HDAC9: variants seen among roughly 807,000 people sequenced by gnomAD.
The protein encoded by HDAC9 is histone deacetylase 9, also known as MEF-2 interacting transcription repressor (MITR) protein.
In HDAC9, 41 loss-of-function variants were observed where a neutral mutation model predicts 139.4. The ratio of observed to expected loss-of-function variants is 0.29; its 90% CI spans 0.23 to 0.38. The LOEUF (loss-of-function observed/expected upper bound fraction) is 0.38, where lower values mean the gene tolerates loss of function less well. HDAC9 is among the 10% of genes least tolerant of loss of function. The probability of loss-of-function intolerance (pLI) is 1.00; values close to 1 mark genes in which losing one functional copy is unlikely to be tolerated. For missense variants in HDAC9, 1,147 were observed against 1,297.0 expected, an observed-to-expected ratio of 0.88 and a Z score of 1.78; for synonymous variants, 517 against 476.2, an observed-to-expected ratio of 1.09 and a Z score of -1.12.
At position 18,749,108 on chromosome 7, in the gene HDAC9, G is replaced by T; in HGVS notation, c.2013G>T (p.Leu671=). The T allele has an allele frequency of 6.2e-7, 1 of 1,613,706 alleles. No individual in the cohort carries two copies. Among genetic ancestry groups the T allele is most frequent in the East Asian group, 2.2e-5 (1 of 44,886 alleles). ...GAATACAGAGTATCTGGTCACGACTGCAAGAAACTGGGCTGCTAAATAAAT... is the reference window on the plus strand; with the variant it reads ...GAATACAGAGTATCTGGTCACGACTTCAAGAAACTGGGCTGCTAAATAAAT... ...AGRIQSIWSR[L]QETGLLNKCE... Residue 671 remains leucine (L), a synonymous_variant, in exon 14 of 26, where the codon CTG becomes CTT. Transcript: ENST00000686413.
rs145336656 is a variant in HDAC9, at chr7:18,213,373, G to A, written c.25+51024G>A. Among the ~76,000 whole-genome samples the A allele has an allele frequency of 3.0e-4, 45 of 152,194 alleles. 1 individual carries two copies. The East Asian group carries it at 7.9e-3, about 27-fold the overall frequency. On this transcript the variant is annotated intron_variant, in intron 2 of 12. Transcript: ENST00000417496. ...TTGAAATTATGTTGCTTTACGTGTAGAAAGATGGTTTAGCTAATTTTTAAC... is the reference window on the plus strand; with the variant it reads ...TTGAAATTATGTTGCTTTACGTGTAAAAAGATGGTTTAGCTAATTTTTAAC...
chr7:18,547,373 C>G (rs896856842), intron 2 of HDAC9, among the ~76,000 whole-genome samples: 3 of 152,136 alleles, frequency 2.0e-5, no homozygotes, highest in African/African-American at 7.2e-5. Context: ...GTAGCTGGGA[C>G]TACAGGCACC....
At chr7:18,452,090 AG>A (rs754836276) in intron 1 of HDAC9, among the ~76,000 whole-genome samples, 3 of 152,150 alleles carry the variant, frequency 2.0e-5, no homozygotes, top group African/African-American at 4.8e-5. Flanking sequence ...TTCAGTTAGC[AG>A]CCTTGAGATG....
intron 1 of HDAC9, among the ~76,000 whole-genome samples, chr7:18,465,507 T>C (rs1794196117): frequency 6.6e-6 from 1 of 152,176 alleles, no homozygotes; most frequent in Non-Finnish European, 1.5e-5. Context: ...CTTTCATTTA[T>C]AATTTTTTAA....
rs867407639 is a variant in HDAC9 at position 18,963,517 on chromosome 7, G to T, written c.3022+9287G>T. ...GGCACTAGGGAGAGTTGGCAGAAAT[G>T]AGATATATTAGAATAATAAGACTTA... is the stretch of plus-strand genomic sequence containing the variant. On this transcript the variant is annotated intron_variant, in intron 24 of 25. Transcript: ENST00000686413. Among the ~76,000 whole-genome samples, 16 of 152,274 alleles carry T rather than the reference G, an allele frequency of 1.1e-4. No homozygotes were observed. In the South Asian group the frequency reaches 3.3e-3, roughly 32 times the overall value.
intron 2 of HDAC9, among the ~76,000 whole-genome samples, chr7:18,572,344 G>A (rs1373683917): frequency 6.8e-6 from 1 of 146,102 alleles, no homozygotes; most frequent in Admixed American, 6.8e-5. Context: ...ATGACTATTT[G>A]TCATATTCAA....
intron 2 of HDAC9, among the ~76,000 whole-genome samples, chr7:18,211,444 C>T (rs138594807): frequency 9.2e-5 from 14 of 152,244 alleles, no homozygotes; most frequent in African/African-American, 3.4e-4. Context: ...ACCTTTTGTC[C>T]TTGCATGTGA....
In HDAC9 at chr7:18,997,340, A is replaced by C. The variant is rs1786527581; in HGVS notation, c.*1278A>C. On this transcript the variant is annotated 3_prime_UTR_variant, in exon 26 of 26. Coordinates refer to ENST00000686413, the MANE Select transcript of HDAC9 (RefSeq NM_178425.4). ...AAAAACAAAAAACAGCCTTTAAACAAGTTTCCTTAGTGTCAAAAGTTAAAA... is the reference window on the plus strand; with the variant it reads ...AAAAACAAAAAACAGCCTTTAAACACGTTTCCTTAGTGTCAAAAGTTAAAA... 1 of 151,896 alleles carries C rather than the reference A, an allele frequency of 6.6e-6. No individual in the cohort carries two copies. The highest frequency in any genetic ancestry group is 1.5e-5 in the Non-Finnish European group (1 of 67,960). The allele number at this position is 151,896 out of a possible 1,614,324, so 9.4% of individuals were successfully genotyped here.
At chr7:18,648,798 T>A in intron 11 of HDAC9, 115 bp downstream of exon 11, 1 of 858,478 alleles carries the variant, frequency 1.2e-6, no homozygotes, top group Non-Finnish European at 1.9e-6. Context: ...AAAAAGGATG[T>A]GATCATCCTA....
At chr7:18,930,447 T>TAACACACACATACACACA (rs1196375856) in intron 22 of HDAC9, among the ~76,000 whole-genome samples, 1 of 151,782 alleles carries the variant, frequency 6.6e-6, no homozygotes, top group Non-Finnish European at 1.5e-5. Context: ...TGCTCTAATC[T>TAACACACACATACACACA]AACACACACA....
intron 1 of HDAC9, among the ~76,000 whole-genome samples, chr7:18,426,284 A>C (rs912570682): frequency 6.6e-6 from 1 of 152,192 alleles, no homozygotes; most frequent in Non-Finnish European, 1.5e-5. Context: ...GTCATTTGTC[A>C]TTCTTTTCCA....
At chr7:18,775,238 T>A (rs1172499726) in intron 16 of HDAC9, among the ~76,000 whole-genome samples, 1 of 152,028 alleles carries the variant, frequency 6.6e-6, no homozygotes, top group Admixed American at 6.6e-5. Flanking sequence ...GAAAAACTTT[T>A]GAAATATTGC....
chr7:18,866,594 C>T (rs1045920036), intron 21 of HDAC9, among the ~76,000 whole-genome samples: 2 of 152,148 alleles, frequency 1.3e-5, no homozygotes, highest in Non-Finnish European at 2.9e-5. Flanking sequence ...TTTTTGAATC[C>T]CAGCACCATC....
At chr7:18,186,999 A>G (rs1789967878) in intron 2 of HDAC9, among the ~76,000 whole-genome samples, 1 of 152,220 alleles carries the variant, frequency 6.6e-6, no homozygotes, top group South Asian at 2.1e-4. Flanking sequence ...ACCCCTAGGC[A>G]TTTAAGCAAC....
At chr7:18,303,499 G>C (rs184336414) in intron 1 of HDAC9, among the ~76,000 whole-genome samples, 30 of 151,714 alleles carry the variant, frequency 2.0e-4, no homozygotes, top group Admixed American at 5.3e-4. Context: ...TGCCCACCTC[G>C]GGCTCCCAAA....
chr7:18,922,178 T>G (rs959606783), intron 22 of HDAC9, among the ~76,000 whole-genome samples: 11 of 151,900 alleles, frequency 7.2e-5, no homozygotes, highest in East Asian at 5.8e-4. Context: ...TGTATATATA[T>G]GTAACAAACC....
chr7:18,712,628 C>G (rs1231032106), intron 12 of HDAC9, among the ~76,000 whole-genome samples: 1 of 152,096 alleles, frequency 6.6e-6, no homozygotes, highest in African/African-American at 2.4e-5. Flanking sequence ...AGAGGATAAA[C>G]AATGCCAGTA....
In HDAC9 at chr7:18,374,608, TA is replaced by T. The variant is rs1327853551; in HGVS notation, c.-42+84094del. Among the ~76,000 whole-genome samples the T allele has an allele frequency of 9.9e-5, 15 of 152,040 alleles. 1 individual carries two copies. The highest frequency in any genetic ancestry group is 9.8e-4 in the Admixed American group (15 of 15,280). ...TAAAATGGCTACAACATCACTAGGTTATAGGAATTTTTCAGCTCCATAAAAA... is the reference window on the plus strand; with the variant it reads ...TAAAATGGCTACAACATCACTAGGTTTAGGAATTTTTCAGCTCCATAAAAA... On this transcript the variant is annotated intron_variant, in intron 1 of 3. Coordinates refer to the HDAC9 transcript ENST00000413509.
At chr7:18,175,918 C>T (rs1240957497) in intron 2 of HDAC9, among the ~76,000 whole-genome samples, 2 of 151,952 alleles carry the variant, frequency 1.3e-5, no homozygotes, top group East Asian at 3.9e-4. Flanking sequence ...TCTCTTCATA[C>T]CAGTAATGTA....
Sources: gnomAD v4.1 joint callset for allele counts (sites outside exome capture counted in the v4.1 genomes callset) on GRCh38, gnomAD v4.1.1 for gene constraint, MANE v1.5 for transcripts, NCBI Gene and HGNC (gene_info 2026-07-23, HGNC 2026-07-21) for gene names.